KCNK12: variants seen among roughly 807,000 people sequenced by gnomAD.
KCNK12 encodes the protein potassium channel subfamily K member 12.
A neutral mutation model predicts 25.3 loss-of-function variants in KCNK12; 6 were observed. That is an observed-to-expected ratio of 0.24 (90% confidence interval 0.13 to 0.47). The LOEUF is 0.47. KCNK12 is among the 20% of genes least tolerant of loss of function. The pLI is 0.99. For synonymous variants in KCNK12, 331 were observed against 311.1 expected (o/e 1.06, Z -0.67); for missense variants, 444 against 661.7 (o/e 0.67, Z 3.61).
In KCNK12 at chr2:47,513,251, C is replaced by G. The variant is rs951491028; in HGVS notation, c.*7656G>C. 2 of 152,216 alleles carry G rather than the reference C, an allele frequency of 1.3e-5. No individual in the cohort carries two copies. Among genetic ancestry groups the G allele is most frequent in the Admixed American group, 1.3e-4 (2 of 15,290 alleles). 9.4% of individuals were successfully genotyped at this position (152,216 alleles called of 1,614,324 possible). A position where few individuals can be genotyped will look rare whatever the true frequency, so the allele number is the denominator to read the frequency against. ...CCAGGCAGCACCAGTTCCAAAGAAG[C>G]TCACACTCCCCTGCGGCTGCTTCTG... On this transcript the variant is annotated 3_prime_UTR_variant, in exon 2 of 2. Coordinates refer to ENST00000327876, the MANE Select transcript of KCNK12 (RefSeq NM_022055.2).
rs1353953920 is a variant in KCNK12, at chr2:47,538,971, A to G, written c.392-17163T>C. On this transcript the variant is annotated intron_variant, in intron 1 of 1. Transcript: ENST00000327876. This position sits in a 1 kb window ranked among gnomAD's most constrained non-coding sequence, Gnocchi z 4.5. ...ACAGCAGATATGCTGAATTTATTTG[A>G]TAACTGTCTTCTTTTTCTCTGTCAG... Among the ~76,000 whole-genome samples the G allele has an allele frequency of 1.3e-5, 2 of 152,242 alleles. No individual in the cohort carries two copies. Among genetic ancestry groups the G allele is most frequent in the Non-Finnish European group, 2.9e-5 (2 of 68,046 alleles).
intron 1 of KCNK12, among the ~76,000 whole-genome samples, chr2:47,535,729 C>G (rs1306833754): frequency 6.6e-6 from 1 of 151,950 alleles, no homozygotes; most frequent in Admixed American, 6.6e-5. Flanking sequence ...CCCACTCCAC[C>G]TCTTGAGGCC....
chr2:47,537,580 C>T (rs994170017), intron 1 of KCNK12, among the ~76,000 whole-genome samples: 15 of 152,276 alleles, frequency 9.9e-5, no homozygotes, highest in African/African-American at 3.4e-4. Flanking sequence ...CCGCCCGCCT[C>T]GGTCTCCCAA....
rs1480582912 is a variant in KCNK12 at position 47,513,650 on chromosome 2, C to T, written c.*7257G>A. On this transcript the variant is annotated 3_prime_UTR_variant, in exon 2 of 2. Transcript: ENST00000327876. ...GGGAACCCCTCCCCCATGGTTATCT[C>T]ATGGGTCCCTGAAGTCCAACTTCTC... Among the ~76,000 whole-genome samples, 1 of 152,188 alleles carries T rather than the reference C, an allele frequency of 6.6e-6. No individual in the cohort carries two copies. Among genetic ancestry groups the T allele is most frequent in the African/African-American group, 2.4e-5 (1 of 41,448 alleles).
In KCNK12 at chr2:47,525,815, C is replaced by T. The variant is rs1388600893; in HGVS notation, c.392-4007G>A. ...AATGGGGCAGGGAGTGGTCCCTGTG[C>T]AGGGCTCCCAAGGACCCATAAATAG... On this transcript the variant is annotated intron_variant, in intron 1 of 1. Transcript: ENST00000327876. The surrounding 1 kb of genome is among the most constrained non-coding windows in gnomAD (Gnocchi z 4.1). Among the ~76,000 whole-genome samples, 1 of 152,082 alleles carries T rather than the reference C, an allele frequency of 6.6e-6. No homozygotes were observed. The highest frequency in any genetic ancestry group is 1.5e-5 in the Non-Finnish European group (1 of 68,000).
chr2:47,563,923 C>G (rs993267952), intron 1 of KCNK12: 1 of 231,750 alleles, frequency 4.3e-6, no homozygotes, highest in African/African-American at 2.2e-5. Flanking sequence ...CCAGGAATAG[C>G]GGCAGACCAT....
At position 47,550,378 on chromosome 2, in the gene KCNK12, CTT is replaced by C. The variant is rs746872422; in HGVS notation, c.391+19561_391+19562del. 4.3e-3 allele frequency among the ~76,000 whole-genome samples: 442 copies of C among 103,136 alleles called. 3 individuals are homozygous for C. The highest frequency in any genetic ancestry group is 0.019 in the African/African-American group (413 of 22,108). The allele number at this position is 103,136 out of a possible 152,430, so 67.7% of individuals were successfully genotyped here. A position where few individuals can be genotyped will look rare whatever the true frequency, so the allele number is the denominator to read the frequency against. On this transcript the variant is annotated intron_variant, in intron 1 of 1. Coordinates refer to ENST00000327876, the MANE Select transcript of KCNK12 (RefSeq NM_022055.2). ...ACAGATAGAGAAAAATATTCACAGA[CTT>C]TTTTTTTTTTTTTTTTTTTTGAGAT...
intron 1 of KCNK12, chr2:47,563,095 G>A (rs960287116): frequency 8.6e-6 from 2 of 233,240 alleles, no homozygotes; most frequent in African/African-American, 2.2e-5. Context: ...GCATGGGAGT[G>A]CTGCTCCAGG....
chr2:47,540,364 G>A lies in KCNK12; in HGVS notation c.392-18556C>T, dbSNP rs1669171582. Reference sequence around the variant, plus strand: ...TGAGTGTCCGGCCTGGGACGTGAGAGGGCATGGGCTCACCTGCTCAGGGTT... The same window carrying A: ...TGAGTGTCCGGCCTGGGACGTGAGAAGGCATGGGCTCACCTGCTCAGGGTT... On this transcript the variant is annotated intron_variant, in intron 1 of 1. Coordinates refer to ENST00000327876, the MANE Select transcript of KCNK12 (RefSeq NM_022055.2). This position sits in a 1 kb window ranked among gnomAD's most constrained non-coding sequence, Gnocchi z 5.4. Among the ~76,000 whole-genome samples the A allele has an allele frequency of 6.6e-6, 1 of 152,190 alleles. No homozygotes were observed. The highest frequency in any genetic ancestry group is 2.4e-5 in the African/African-American group (1 of 41,430).
intron 1 of KCNK12, chr2:47,527,495 GAC>G (rs1668809126): frequency 6.6e-6 from 1 of 152,516 alleles, no homozygotes; most frequent in Non-Finnish European, 1.5e-5. Flanking sequence ...CTGCCTGGCT[GAC>G]CACAGCTGGG....
At chr2:47,568,867 C>T (rs2104907887) in intron 1 of KCNK12, among the ~76,000 whole-genome samples, 1 of 152,338 alleles carries the variant, frequency 6.6e-6, no homozygotes, top group South Asian at 2.1e-4. Flanking sequence ...CACACACAGC[C>T]TTGTCAAGGT....
At chr2:47,568,444 G>A (rs1169090440) in intron 1 of KCNK12, among the ~76,000 whole-genome samples, 1 of 152,036 alleles carries the variant, frequency 6.6e-6, no homozygotes, top group African/African-American at 2.4e-5. Context: ...TATCCAATTT[G>A]TGTGTGCCTT....
chr2:47,510,321 A>G lies in KCNK12; in HGVS notation c.*10586T>C, dbSNP rs13425716. On this transcript the variant is annotated 3_prime_UTR_variant, in exon 2 of 2. Transcript: ENST00000327876. ...GACCACCTGCTCCAGAGTTCTGGTT[A>G]TGGTAATGAAATAAACCTTGATTTT... is the stretch of plus-strand genomic sequence containing the variant. 11,835 of 152,260 alleles carry G rather than the reference A, an allele frequency of 0.078. 627 individuals are homozygous for G. The highest frequency in any genetic ancestry group is 0.15 in the East Asian group (776 of 5,168). The allele number at this position is 152,260 out of a possible 1,614,324, so 9.4% of individuals were successfully genotyped here.
rs1173635714 is a variant in KCNK12, at chr2:47,555,247, A to C, written c.391+14694T>G. 6.6e-6 allele frequency among the ~76,000 whole-genome samples: 1 copy of C among 152,220 alleles called. No individual in the cohort carries two copies. The highest frequency in any genetic ancestry group is 1.5e-5 in the Non-Finnish European group (1 of 68,038). ...GGGGGATCAGAGTATGCCATCCCCAAATATGTCACTTTAGCACAAGGATTG... is the reference window on the plus strand; with the variant it reads ...GGGGGATCAGAGTATGCCATCCCCACATATGTCACTTTAGCACAAGGATTG... On this transcript the variant is annotated intron_variant, in intron 1 of 1. Coordinates refer to ENST00000327876, the MANE Select transcript of KCNK12 (RefSeq NM_022055.2). This position sits in a 1 kb window ranked among gnomAD's most constrained non-coding sequence, Gnocchi z 4.5.
rs1462906114 is a variant in KCNK12 at position 47,538,511 on chromosome 2, CTG to C, written c.392-16705_392-16704del. On this transcript the variant is annotated intron_variant, in intron 1 of 1. Transcript: ENST00000327876. The surrounding 1 kb of genome is among the most constrained non-coding windows in gnomAD (Gnocchi z 4.5). Reference sequence around the variant, plus strand: ...AAGGACTGGGCATGGTGGCTCATGTCTGTAATCCCAGCACTTTGGGAGGCTGA... The same window carrying C: ...AAGGACTGGGCATGGTGGCTCATGTCTAATCCCAGCACTTTGGGAGGCTGA... Among the ~76,000 whole-genome samples the C allele has an allele frequency of 6.6e-6, 1 of 152,192 alleles. No homozygotes were observed. The highest frequency in any genetic ancestry group is 2.4e-5 in the African/African-American group (1 of 41,440).
intron 1 of KCNK12, among the ~76,000 whole-genome samples, chr2:47,539,058 T>C (rs1669137754): frequency 6.6e-6 from 1 of 152,220 alleles, no homozygotes; most frequent in Non-Finnish European, 1.5e-5. Flanking sequence ...ACATCTTTAA[T>C]AGCTGCAAGC....
chr2:47,554,455 G>C (rs1224060450), intron 1 of KCNK12, among the ~76,000 whole-genome samples: 1 of 152,232 alleles, frequency 6.6e-6, no homozygotes, highest in Non-Finnish European at 1.5e-5. Flanking sequence ...GTGGTTAAGA[G>C]AAGTCAGCCA....
At chr2:47,530,622 G>A (rs1217434402) in intron 1 of KCNK12, among the ~76,000 whole-genome samples, 4 of 152,190 alleles carry the variant, frequency 2.6e-5, no homozygotes, top group Admixed American at 1.3e-4. Context: ...ACAACTGCAT[G>A]AGGCTCCATG....
Position 47,512,431 on chromosome 2 carries a change from A to G in KCNK12, c.*8476T>C. ...AGAACCAGGGCAGTGGTGAGCTCTC[A>G]TGACCTGGTGTCTGTTGCCTTCTGG... On this transcript the variant is annotated 3_prime_UTR_variant, in exon 2 of 2. Coordinates refer to ENST00000327876, the MANE Select transcript of KCNK12 (RefSeq NM_022055.2). 6.2e-7 allele frequency: 1 copy of G among 1,605,026 alleles called. No homozygotes were observed.
Sources: gnomAD v4.1 joint callset for allele counts (sites outside exome capture counted in the v4.1 genomes callset) on GRCh38, gnomAD v4.1.1 for gene constraint, Gnocchi (gnomAD v3.1) non-coding constraint, MANE v1.5 for transcripts, NCBI Gene and HGNC (gene_info 2026-07-23, HGNC 2026-07-21) for gene names.